Variants in CTNNA1 observed in about 807,000 individuals in gnomAD.
CTNNA1 encodes catenin alpha 1, also known as catenin alpha-1.
CTNNA1 carries 37 observed loss-of-function variants against 98.4 expected under a neutral mutation model. The ratio of observed to expected loss-of-function variants is 0.38; its 90% CI spans 0.29 to 0.49. The LOEUF (loss-of-function observed/expected upper bound fraction) is 0.49. Among genes scored for constraint, CTNNA1 ranks in the 20% least tolerant of loss-of-function variants. CTNNA1 has a pLI of 0.95. For missense variants in CTNNA1, 761 were observed against 1,147.2 expected (o/e 0.66, Z 4.86); for synonymous variants, 404 against 413.2 (o/e 0.98, Z 0.27).
chr5:138,755,842 CTTCTTTTTTTTTTT>C (rs1751578168), intron 1 of CTNNA1, among the ~76,000 whole-genome samples: 3 of 100,840 alleles, frequency 3.0e-5, no homozygotes, highest in Non-Finnish European at 6.0e-5. Flanking sequence ...TTGGGATTTC[CTTCTTTTTTTTTTT>C]TTTTTTTTTT....
rs1751216705 is a variant in CTNNA1, at chr5:138,753,454, A to C, written c.-59A>C. 1 of 372,506 alleles carries C rather than the reference A, an allele frequency of 2.7e-6. No homozygotes were observed. Among genetic ancestry groups the C allele is most frequent in the Non-Finnish European group, 4.8e-6 (1 of 209,694 alleles). 23.1% of individuals were successfully genotyped at this position (372,506 alleles called of 1,614,324 possible). A position where few individuals can be genotyped will look rare whatever the true frequency, so the allele number is the denominator to read the frequency against. ...TCCTAGCCGGACTGGAGGGAGACAA[A>C]GCAGCGCCCGTCTGCTTCGGGCCTC... On this transcript the variant is annotated 5_prime_UTR_variant, in exon 1 of 18. Coordinates refer to ENST00000302763, the MANE Select transcript of CTNNA1 (RefSeq NM_001903.5).
intron 14 of CTNNA1, 109 bp from the exon 15 acceptor site, chr5:138,930,364 C>A: frequency 2.5e-6 from 2 of 786,926 alleles, no homozygotes; most frequent in South Asian, 1.8e-5. Context: ...CCTATTAAAG[C>A]ATTATCCTAC....
At chr5:138,777,017 C>T (rs545230061) in intron 1 of CTNNA1, among the ~76,000 whole-genome samples, 16 of 152,242 alleles carry the variant, frequency 1.1e-4, no homozygotes, top group South Asian at 2.1e-4. Context: ...ACCTCCCTCC[C>T]GGATGGGGTG....
rs980865062 is a variant in CTNNA1 at position 138,758,800 on chromosome 5, C to T, written c.-3+5290C>T. ...AGTAGGTCTTCCATCTGGTCTTTCT[C>T]TGGGACAGTTTTTGTTTTTTTTTTG... is the stretch of plus-strand genomic sequence containing the variant. On this transcript the variant is annotated intron_variant, in intron 1 of 17. Coordinates refer to ENST00000302763, the MANE Select transcript of CTNNA1 (RefSeq NM_001903.5). Among the ~76,000 whole-genome samples, 15 of 151,684 alleles carry T rather than the reference C, an allele frequency of 9.9e-5. 1 individual carries two copies. Among genetic ancestry groups the T allele is most frequent in the Non-Finnish European group, 2.1e-4 (14 of 67,934 alleles).
At chr5:138,782,671 C>A (rs1312947493) in intron 2 of CTNNA1, among the ~76,000 whole-genome samples, 1 of 152,214 alleles carries the variant, frequency 6.6e-6, no homozygotes, top group African/African-American at 2.4e-5. Context: ...AAAGCGTCAT[C>A]ACTGTAGGCT....
intron 1 of CTNNA1, among the ~76,000 whole-genome samples, chr5:138,778,343 C>T (rs1383002477): frequency 2.6e-5 from 4 of 152,096 alleles, no homozygotes; most frequent in Admixed American, 6.5e-5. Context: ...GATCGTCTCA[C>T]GCTTTGAATT....
intron 7 of CTNNA1, among the ~76,000 whole-genome samples, chr5:138,857,228 A>G (rs1390826366): frequency 6.6e-6 from 1 of 152,178 alleles, no homozygotes; most frequent in African/African-American, 2.4e-5. Context: ...TGCTTTGGTC[A>G]TCATATCCTA....
chr5:138,931,876 T>C lies in CTNNA1; in HGVS notation c.2299-702T>C, dbSNP rs1765434100. The C allele has an allele frequency of 6.1e-6, 6 of 985,398 alleles. No homozygotes were observed. The African/African-American group carries it at 1.0e-4, about 17-fold the overall frequency. The allele number at this position is 985,398 out of a possible 1,614,324, so 61.0% of individuals were successfully genotyped here. ...GCTCCAGCCTCACTGGAAGAAAATG[T>C]TTGCTTGCTATAAACACTTGAGAGG... On this transcript the variant is annotated intron_variant, in intron 16 of 17. Transcript: ENST00000302763.
At chr5:138,817,420 G>A (rs2149752535) in intron 5 of CTNNA1, among the ~76,000 whole-genome samples, 1 of 152,146 alleles carries the variant, frequency 6.6e-6, no homozygotes, top group South Asian at 2.1e-4. Flanking sequence ...AATCTCTTTG[G>A]GGACTTTTTG....
rs369906942 is a variant in CTNNA1 at position 138,869,976 on chromosome 5, C to G, written c.1063-16236C>G. ...GTCATGCTACAGAAATGAATATAAACGATTTCAAACTAGTTCTTGGTTTCT... is the reference window on the plus strand; with the variant it reads ...GTCATGCTACAGAAATGAATATAAAGGATTTCAAACTAGTTCTTGGTTTCT... On this transcript the variant is annotated intron_variant, in intron 7 of 17. Coordinates refer to ENST00000302763, the MANE Select transcript of CTNNA1 (RefSeq NM_001903.5). 3 of 152,656 alleles carry G rather than the reference C, an allele frequency of 2.0e-5. No homozygotes were observed. The East Asian group carries it at 5.8e-4, about 29-fold the overall frequency. 9.5% of individuals were successfully genotyped at this position (152,656 alleles called of 1,614,324 possible).
At chr5:138,789,538 A>G (rs1027379469) in intron 3 of CTNNA1, among the ~76,000 whole-genome samples, 28 of 152,058 alleles carry the variant, frequency 1.8e-4, no homozygotes, top group African/African-American at 6.8e-4. Flanking sequence ...GCTCGCTGCA[A>G]CCTTCGCCTC....
chr5:138,919,232 T>C (rs1229340554), intron 11 of CTNNA1, among the ~76,000 whole-genome samples: 1 of 152,232 alleles, frequency 6.6e-6, no homozygotes, highest in Non-Finnish European at 1.5e-5. Context: ...ATTATTCTTT[T>C]TCATTGGTTT....
chr5:138,827,212 A>T (rs1433170082), intron 6 of CTNNA1, among the ~76,000 whole-genome samples: 1 of 152,174 alleles, frequency 6.6e-6, no homozygotes, highest in Admixed American at 6.5e-5. Flanking sequence ...TGCTAGTCTT[A>T]TACGGGTTTA....
chr5:138,800,683 A>G (rs1292312504), intron 3 of CTNNA1, among the ~76,000 whole-genome samples: 1 of 152,162 alleles, frequency 6.6e-6, no homozygotes, highest in Non-Finnish European at 1.5e-5. Context: ...CATGCCTGTA[A>G]TCCGAGCTAT....
Position 138,835,978 on chromosome 5 carries a change from A to G in CTNNA1, c.1062+8260A>G, listed in dbSNP as rs200511501. Among the ~76,000 whole-genome samples the G allele has an allele frequency of 2.0e-5, 3 of 152,260 alleles. No homozygotes were observed. In the East Asian group the frequency reaches 5.8e-4, roughly 29 times the overall value. Reference sequence around the variant, plus strand: ...TTCATGCTCCAGCCTCCCAAACATAATAGCTGGGTTTAGAGGCTTGTGTTA... The same window carrying G: ...TTCATGCTCCAGCCTCCCAAACATAGTAGCTGGGTTTAGAGGCTTGTGTTA... On this transcript the variant is annotated intron_variant, in intron 7 of 17. Transcript: ENST00000302763.
At chr5:138,864,503 T>G (rs1764559067) in intron 7 of CTNNA1, among the ~76,000 whole-genome samples, 1 of 152,228 alleles carries the variant, frequency 6.6e-6, no homozygotes, top group Non-Finnish European at 1.5e-5. Flanking sequence ...AAAGGCAGTT[T>G]CAGACCACCA....
intron 7 of CTNNA1, among the ~76,000 whole-genome samples, chr5:138,831,385 A>G (rs548524800): frequency 6.6e-6 from 1 of 152,344 alleles, no homozygotes; most frequent in East Asian, 1.9e-4. Context: ...GTGTGCAACT[A>G]AGGTGGAAAA....
At chr5:138,888,011 TC>T (rs1754466677) in intron 9 of CTNNA1, among the ~76,000 whole-genome samples, 1 of 152,182 alleles carries the variant, frequency 6.6e-6, no homozygotes, top group Admixed American at 6.5e-5. Flanking sequence ...AACCTAACCT[TC>T]CTCAATTGCC....
intron 17 of CTNNA1, 88 bp downstream of exon 17, chr5:138,932,800 C>T (rs1375405676): frequency 1.3e-6 from 2 of 1,502,764 alleles, no homozygotes; most frequent in African/African-American, 1.4e-5. Context: ...GCATAAACAC[C>T]TGCCCTGGGA....
Sources: gnomAD v4.1 joint callset for allele counts (sites outside exome capture counted in the v4.1 genomes callset) on GRCh38, gnomAD v4.1.1 for gene constraint, MANE v1.5 for transcripts, NCBI Gene and HGNC (gene_info 2026-07-23, HGNC 2026-07-21) for gene names.